Variants in TAPT1 observed in about 807,000 individuals in gnomAD.
TAPT1 encodes the protein transmembrane anterior posterior transformation protein 1 homolog.
A neutral mutation model predicts 65.6 loss-of-function variants in TAPT1; 28 were observed. The observed-to-expected ratio is 0.43, with a 90% CI of 0.32 to 0.59. The LOEUF is 0.59. Ranked by LOEUF, TAPT1 falls within the 20% of genes least tolerant of loss-of-function variation. The pLI is 0.09. For missense variants in TAPT1, 563 were observed against 679.9 expected, an observed-to-expected ratio of 0.83 and a Z score of 1.91; for synonymous variants, 278 against 245.2, an observed-to-expected ratio of 1.13 and a Z score of -1.25.
At chr4:16,192,320 G>C (rs1371825510) in intron 3 of TAPT1, among the ~76,000 whole-genome samples, 1 of 152,164 alleles carries the variant, frequency 6.6e-6, no homozygotes, top group African/African-American at 2.4e-5. Context: ...ATCGTACACA[G>C]TGTAGTTTCA....
chr4:16,216,711 C>T (rs868714819), intron 1 of TAPT1, among the ~76,000 whole-genome samples: 1 of 152,134 alleles, frequency 6.6e-6, no homozygotes, highest in African/African-American at 2.4e-5. Flanking sequence ...TTTTCCTATA[C>T]TCCACCCTGG....
chr4:16,221,254 T>A (rs538473160), intron 1 of TAPT1, among the ~76,000 whole-genome samples: 13 of 152,156 alleles, frequency 8.5e-5, no homozygotes, highest in Admixed American at 5.2e-4. Flanking sequence ...AGCCTCCAAG[T>A]AGCTGGGATT....
At chr4:16,203,464 T>C (rs945061506) in intron 2 of TAPT1, among the ~76,000 whole-genome samples, 1 of 152,116 alleles carries the variant, frequency 6.6e-6, no homozygotes. Context: ...AAAGAGGTAA[T>C]TTAAGTTCCT....
At chr4:16,204,409 T>C (rs774370524) in intron 2 of TAPT1, among the ~76,000 whole-genome samples, 4 of 152,250 alleles carry the variant, frequency 2.6e-5, no homozygotes, top group South Asian at 2.1e-4. Flanking sequence ...AGTACTGAGT[T>C]ACAAACTGCA....
chr4:16,180,166 G>A (rs558297512), intron 7 of TAPT1, among the ~76,000 whole-genome samples: 3 of 152,220 alleles, frequency 2.0e-5, no homozygotes, highest in Admixed American at 2.0e-4. Context: ...GCATTTCCGG[G>A]GGTGTATGTA....
At chr4:16,212,014 AG>A (rs1750675802) in intron 2 of TAPT1, among the ~76,000 whole-genome samples, 2 of 151,826 alleles carry the variant, frequency 1.3e-5, no homozygotes, top group South Asian at 4.1e-4. Context: ...CTTAAGAGAA[AG>A]AAAGAAGGAA....
In TAPT1 at chr4:16,163,185, T is replaced by A; in HGVS notation, c.*123A>T. ...CTGGAAGAAAGATACTAAGATTTGC[T>A]TGCCAATAATAATTTAAGTTTTTAA... On this transcript the variant is annotated 3_prime_UTR_variant, in exon 14 of 14. Coordinates refer to ENST00000405303, the MANE Select transcript of TAPT1 (RefSeq NM_153365.3). 1.3e-6 allele frequency: 1 copy of A among 760,578 alleles called. No homozygotes were observed. Among genetic ancestry groups the A allele is most frequent in the East Asian group, 2.7e-5 (1 of 37,332 alleles). 47.1% of individuals were successfully genotyped at this position (760,578 alleles called of 1,614,324 possible). A position where few individuals can be genotyped will look rare whatever the true frequency, so the allele number is the denominator to read the frequency against.
intron 1 of TAPT1, 116 bp from the exon 2 acceptor site, chr4:16,214,014 T>C: frequency 1.3e-6 from 1 of 752,680 alleles, no homozygotes; most frequent in Non-Finnish European, 2.0e-6. Context: ...ATAAATGTTA[T>C]CTATAATTCT....
intron 1 of TAPT1, among the ~76,000 whole-genome samples, chr4:16,215,646 CAT>C (rs1335394007): frequency 1.3e-5 from 2 of 152,208 alleles, no homozygotes; most frequent in Non-Finnish European, 2.9e-5. Flanking sequence ...AATCTATCTA[CAT>C]GTGTCGTACT....
At chr4:16,186,477 A>G in intron 7 of TAPT1, 58 bp downstream of exon 7, 2 of 1,176,306 alleles carry the variant, frequency 1.7e-6, no homozygotes, top group Non-Finnish European at 2.4e-6. Context: ...TTAGGATTTC[A>G]GAATGAACTG....
At chr4:16,214,093 T>G (rs1750795629) in intron 1 of TAPT1, among the ~76,000 whole-genome samples, 195 bp from the exon 2 acceptor site, 2 of 152,194 alleles carry the variant, frequency 1.3e-5, no homozygotes. Flanking sequence ...TGGTATAACC[T>G]GAAAATGCCA....
intron 3 of TAPT1, among the ~76,000 whole-genome samples, chr4:16,198,474 C>T (rs532489874): frequency 6.6e-6 from 1 of 152,032 alleles, no homozygotes; most frequent in East Asian, 1.9e-4. Flanking sequence ...GGACTGTTTC[C>T]TCCCTTTTGT....
rs773594872 is a variant in TAPT1 at position 16,188,290 on chromosome 4, T to G, written c.678A>C (p.Thr226=). The change falls in exon 5 of 14, where the codon ACA becomes ACC. Residue 226 remains threonine (T), a synonymous_variant. Transcript: ENST00000405303. ...GGGCTCTTTTTCTTTCTTTAGGCTC[T>G]GTTGCTGTCCAATAGAGAGCATCTA... ...DILDALYWTA[T]EPKERKRAHI... 1.2e-6 allele frequency: 2 copies of G among 1,612,818 alleles called. No individual in the cohort carries two copies. The highest frequency in any genetic ancestry group is 4.5e-5 in the East Asian group (2 of 44,784).
At chr4:16,182,660 C>T (rs1428465808) in intron 7 of TAPT1, among the ~76,000 whole-genome samples, 2 of 152,282 alleles carry the variant, frequency 1.3e-5, no homozygotes, top group East Asian at 3.9e-4. Flanking sequence ...CCTGAAGGAC[C>T]TTTCTAAATG....
In TAPT1 at chr4:16,160,781, C is replaced by T. The variant is rs1747208761; in HGVS notation, c.*2527G>A. ...TTTTGTAAATTTATCTCCTCCTCTG[C>T]TGAGTTACCAGGAGTGGCAGGATAT... On this transcript the variant is annotated 3_prime_UTR_variant, in exon 14 of 14. Coordinates refer to ENST00000405303, the MANE Select transcript of TAPT1 (RefSeq NM_153365.3). 6.6e-6 allele frequency: 1 copy of T among 152,640 alleles called. No homozygotes were observed. Among genetic ancestry groups the T allele is most frequent in the Admixed American group, 6.5e-5 (1 of 15,280 alleles). 9.5% of individuals were successfully genotyped at this position (152,640 alleles called of 1,614,324 possible).
rs1207149173 is a variant in TAPT1, at chr4:16,226,428, C to T, written c.30G>A (p.Pro10=). 9 of 1,079,714 alleles carry T rather than the reference C, an allele frequency of 8.3e-6. No individual in the cohort carries two copies. Among genetic ancestry groups the T allele is most frequent in the African/African-American group, 1.7e-5 (1 of 58,838 alleles). 66.9% of individuals were successfully genotyped at this position (1,079,714 alleles called of 1,614,324 possible). The part of the protein sequence containing the change: MAGVGDAAA[P]GEGGGGGVDG... ...CCACGCCGCCACCGCCGCCTTCTCC[C>T]GGAGCGGCCGCGTCGCCGACGCCCG... Residue 10 remains proline, a synonymous_variant, in exon 1 of 14, where the codon CCG becomes CCA. Transcript: ENST00000405303.
At chr4:16,164,452 GCAAA>G (rs1240875538) in intron 13 of TAPT1, among the ~76,000 whole-genome samples, 1 of 152,090 alleles carries the variant, frequency 6.6e-6, no homozygotes, top group Non-Finnish European at 1.5e-5. Flanking sequence ...GACATTCTGA[GCAAA>G]CACTCAGGTC....
intron 3 of TAPT1, among the ~76,000 whole-genome samples, chr4:16,200,067 A>C (rs919555956): frequency 2.0e-5 from 3 of 152,158 alleles, no homozygotes; most frequent in Non-Finnish European, 4.4e-5. Context: ...CACCACTGTT[A>C]CTTAGTATAC....
intron 3 of TAPT1, among the ~76,000 whole-genome samples, chr4:16,198,255 C>G (rs572668356): frequency 2.8e-4 from 43 of 152,268 alleles, no homozygotes; most frequent in Non-Finnish European, 5.7e-4. Flanking sequence ...AGTTATGAAG[C>G]AGAGAACACG....
Sources: allele counts gnomAD v4.1 joint callset (sites outside exome capture counted in the v4.1 genomes callset), GRCh38; gene constraint gnomAD v4.1.1; transcripts MANE v1.5; gene names NCBI Gene and HGNC (gene_info 2026-07-23, HGNC 2026-07-21).